Variants in PAK6 observed in about 807,000 individuals in gnomAD.
PAK6 encodes the protein serine/threonine-protein kinase PAK 6.
A neutral mutation model predicts 60.8 loss-of-function variants in PAK6; 33 were observed. The ratio of observed to expected loss-of-function variants is 0.54; its 90% CI spans 0.41 to 0.73. PAK6 has a LOEUF of 0.73. Among genes scored for constraint, PAK6 ranks in the 30% least tolerant of loss-of-function variants. PAK6 has a pLI of 0.00. For missense variants in PAK6, 845 were observed against 904.1 expected (o/e 0.93, Z 0.84); for synonymous variants, 404 against 378.5 (o/e 1.07, Z -0.78).
At chr15:40,240,648 C>A (rs1043096002) in exon 2 of PAK6, 1 of 438,302 alleles carries the variant, frequency 2.3e-6, no homozygotes, top group East Asian at 7.4e-5. Flanking sequence ...CAGTGGAGAA[C>A]GCAGGACCCC....
intron 5 of PAK6, among the ~76,000 whole-genome samples, chr15:40,271,783 A>G (rs1317226620): frequency 6.6e-6 from 1 of 152,066 alleles, no homozygotes; most frequent in African/African-American, 2.4e-5. Flanking sequence ...TTCTGCCCCC[A>G]TGGGTCCTGG....
chr15:40,253,619 G>C (rs373639173), intron 3 of PAK6, among the ~76,000 whole-genome samples: 1 of 152,220 alleles, frequency 6.6e-6, no homozygotes, highest in Non-Finnish European at 1.5e-5. Context: ...ATTCATGCCG[G>C]GGAAGAGGTT....
intron 2 of PAK6, chr15:40,252,777 CG>C: frequency 7.7e-7 from 1 of 1,300,898 alleles, no homozygotes. Flanking sequence ...GCCCATGCCC[CG>C]AAGTTCGGGA....
At chr15:40,274,054 G>GT (rs1394843926) in intron 9 of PAK6, 88 bp from the exon 10 acceptor site, 14 of 1,491,030 alleles carry the variant, frequency 9.4e-6, no homozygotes, top group Non-Finnish European at 1.3e-5. Context: ...GGGGCCAGCT[G>GT]TCCCCCCTCC....
At chr15:40,268,301 C>G (rs1214895598) in intron 5 of PAK6, among the ~76,000 whole-genome samples, 1 of 152,206 alleles carries the variant, frequency 6.6e-6, no homozygotes, top group Non-Finnish European at 1.5e-5. Flanking sequence ...TCAGGTCAGT[C>G]CATCCTTTGT....
chr15:40,248,879 A>G (rs1268155632), intron 2 of PAK6, among the ~76,000 whole-genome samples: 2 of 152,208 alleles, frequency 1.3e-5, no homozygotes, highest in South Asian at 2.1e-4. Flanking sequence ...TAAGCAGCAG[A>G]GTTGAGAGAA....
At chr15:40,256,056 T>A (rs1326036428) in intron 3 of PAK6, among the ~76,000 whole-genome samples, 1 of 152,088 alleles carries the variant, frequency 6.6e-6, no homozygotes, top group Non-Finnish European at 1.5e-5. Flanking sequence ...ACTTTCTGAA[T>A]AAAGGAATAC....
intron 5 of PAK6, among the ~76,000 whole-genome samples, chr15:40,269,706 C>A (rs1254597531): frequency 6.6e-6 from 1 of 152,206 alleles, no homozygotes; most frequent in African/African-American, 2.4e-5. Flanking sequence ...AGCCAGCTCC[C>A]CAGACTCCCC....
At chr15:40,258,939 T>TC (rs1285378815) in intron 3 of PAK6, 1 of 152,436 alleles carries the variant, frequency 6.6e-6, no homozygotes, top group African/African-American at 2.4e-5. Context: ...GTGGCCTCCC[T>TC]CCCCTGTGTT....
intron 5 of PAK6, among the ~76,000 whole-genome samples, chr15:40,270,411 G>A (rs542115415): frequency 3.9e-5 from 6 of 152,308 alleles, no homozygotes; most frequent in South Asian, 4.1e-4. Flanking sequence ...GGCTCCCACC[G>A]AATCAGGCTC....
rs2039145476 is a variant in PAK6 at position 40,266,591 on chromosome 15, C to G, written c.858+96C>G. On this transcript the variant is annotated intron_variant, in intron 5 of 10. Coordinates refer to ENST00000560346, the Ensembl canonical transcript of PAK6. ...TCCCCTTGGAGGACTGGCAAAGAGG[C>G]TCCCTGGACTGCTTCCGCCTAAGGC... is the stretch of plus-strand genomic sequence containing the variant. 5 of 1,243,110 alleles carry G rather than the reference C, an allele frequency of 4.0e-6. No individual in the cohort carries two copies. In the South Asian group the frequency reaches 7.9e-5, roughly 20 times the overall value. The allele number at this position is 1,243,110 out of a possible 1,614,324, so 77.0% of individuals were successfully genotyped here.
chr15:40,273,406 G>T (rs758448175), exon 8 of PAK6: 3 of 1,613,924 alleles, frequency 1.9e-6, no homozygotes, highest in Admixed American at 3.3e-5. Context: ...TGGCCTACCT[G>T]CATGCTCAGG....
intron 10 of PAK6, among the ~76,000 whole-genome samples, chr15:40,275,519 T>G: frequency 6.6e-6 from 1 of 152,026 alleles, no homozygotes; most frequent in East Asian, 1.9e-4. Context: ...ACTCCTGACC[T>G]CGTAATCTGC....
chr15:40,243,125 C>A (rs917774249), intron 2 of PAK6, among the ~76,000 whole-genome samples: 1 of 152,166 alleles, frequency 6.6e-6, no homozygotes, highest in Non-Finnish European at 1.5e-5. Flanking sequence ...CCATCCAGCC[C>A]AGATAATTTA....
intron 2 of PAK6, chr15:40,252,181 T>C (rs1157529248): frequency 2.2e-6 from 2 of 912,100 alleles, no homozygotes; most frequent in Non-Finnish European, 2.9e-6. Flanking sequence ...CCAGGATGTG[T>C]GGGTGGGCAC....
At chr15:40,266,737 T>G in intron 5 of PAK6, 1 of 458,530 alleles carries the variant, frequency 2.2e-6, no homozygotes, top group Non-Finnish European at 3.8e-6. Flanking sequence ...TCAGTATTTG[T>G]TCCCAAGTGT....
intron 3 of PAK6, among the ~76,000 whole-genome samples, chr15:40,262,874 A>G (rs1218804990): frequency 1.6e-5 from 2 of 127,536 alleles, no homozygotes; most frequent in African/African-American, 6.6e-5. Context: ...TTTGTTCAAA[A>G]TCTCTCCAAA....
chr15:40,260,777 C>A (rs2038960777), intron 3 of PAK6, among the ~76,000 whole-genome samples: 1 of 152,038 alleles, frequency 6.6e-6, no homozygotes, highest in Non-Finnish European at 1.5e-5. Context: ...TATGAACATT[C>A]TTTAATATCT....
In PAK6 at chr15:40,266,002, G is replaced by A. The variant is rs1009036281; in HGVS notation, c.365G>A (p.Trp122Ter). ...CTGGGGCTGCTGGGGGATGAGCACT[G>A]GGCCACCGACCCAGACATGTACCTC... The change falls in exon 5 of 11, where the codon TGG becomes TAG. Residue 122 changes from tryptophan (W) to a stop codon, truncating the protein, a stop_gained. Coordinates refer to ENST00000560346, the Ensembl canonical transcript of PAK6. LOFTEE classifies it high-confidence loss of function. 6.2e-7 allele frequency: 1 copy of A among 1,600,948 alleles called. No homozygotes were observed. Among genetic ancestry groups the A allele is most frequent in the Non-Finnish European group, 8.5e-7 (1 of 1,174,702 alleles).
Sources: gnomAD v4.1 joint callset for allele counts (sites outside exome capture counted in the v4.1 genomes callset) on GRCh38, gnomAD v4.1.1 for gene constraint, MANE v1.5 for transcripts, NCBI Gene and HGNC (gene_info 2026-07-23, HGNC 2026-07-21) for gene names.